The following TTLL11 variants were observed in gnomAD, a reference collection of about 807,000 sequenced individuals.
TTLL11 encodes the protein tubulin polyglutamylase TTLL11.
A neutral mutation model predicts 51.7 loss-of-function variants in TTLL11; 42 were observed. The observed-to-expected ratio is 0.81, with a 90% confidence interval of 0.64 to 1.05. The LOEUF (loss-of-function observed/expected upper bound fraction) is 1.05. Among genes scored for constraint, TTLL11 ranks in the 50% least tolerant of loss-of-function variants. The probability of loss-of-function intolerance (pLI) is 0.00; values close to 1 mark genes in which losing one functional copy is unlikely to be tolerated. For missense variants in TTLL11, 799 were observed against 940.4 expected (o/e 0.85, Z 1.97); for synonymous variants, 381 against 383.5 (o/e 0.99, Z 0.08).
chr9:122,008,059 T>C (rs1337992506), intron 3 of TTLL11, among the ~76,000 whole-genome samples: 9 of 152,170 alleles, frequency 5.9e-5, no homozygotes, highest in Non-Finnish European at 1.3e-4. Context: ...GATCTAATAC[T>C]GAGGAAACCC....
chr9:121,877,149 G>A (rs1430639731), intron 6 of TTLL11, among the ~76,000 whole-genome samples: 2 of 152,224 alleles, frequency 1.3e-5, no homozygotes, highest in East Asian at 1.9e-4. Flanking sequence ...CCTGCTGTTC[G>A]GCCAAGGCGA....
At chr9:121,931,994 C>T (rs914213597) in intron 6 of TTLL11, among the ~76,000 whole-genome samples, 4 of 152,200 alleles carry the variant, frequency 2.6e-5, no homozygotes, top group Admixed American at 1.3e-4. Flanking sequence ...AAGTCCTCCC[C>T]AGGTTCTTCA....
chr9:121,866,540 G>C (rs1037265659), intron 7 of TTLL11, among the ~76,000 whole-genome samples: 2 of 151,556 alleles, frequency 1.3e-5, no homozygotes, highest in African/African-American at 4.9e-5. Context: ...GGCGCCTGTA[G>C]TCCCAGCTAC....
chr9:121,916,247 C>G (rs1247181196), intron 6 of TTLL11, among the ~76,000 whole-genome samples: 1 of 152,154 alleles, frequency 6.6e-6, no homozygotes, highest in Non-Finnish European at 1.5e-5. Flanking sequence ...CATAGCATGT[C>G]ATATGCATGA....
At chr9:122,089,508 T>C (rs1242756072) in intron 1 of TTLL11, among the ~76,000 whole-genome samples, 2 of 152,228 alleles carry the variant, frequency 1.3e-5, no homozygotes, top group East Asian at 1.9e-4. Context: ...AAGAATACTA[T>C]AATCATAGTT....
At chr9:121,926,860 G>A (rs1439495111) in intron 6 of TTLL11, among the ~76,000 whole-genome samples, 2 of 152,204 alleles carry the variant, frequency 1.3e-5, no homozygotes, top group African/African-American at 2.4e-5. Context: ...TGTATTTCCC[G>A]TGGTTTGGAG....
intron 8 of TTLL11, among the ~76,000 whole-genome samples, chr9:121,828,093 T>C (rs1258809161): frequency 1.3e-5 from 2 of 152,150 alleles, no homozygotes; most frequent in African/African-American, 2.4e-5. Flanking sequence ...AGCACTTACA[T>C]GTTCTTGCGG....
At position 121,948,415 on chromosome 9, in the gene TTLL11, T is replaced by C. The variant is rs181289324; in HGVS notation, c.1481+25594A>G. Among the ~76,000 whole-genome samples, 110 of 152,368 alleles carry C rather than the reference T, an allele frequency of 7.2e-4. 2 individuals are homozygous for C. The Middle Eastern group carries it at 0.014, about 19-fold the overall frequency. On this transcript the variant is annotated intron_variant, in intron 6 of 8. Coordinates refer to ENST00000321582, the MANE Select transcript of TTLL11 (RefSeq NM_001139442.2). Reference sequence around the variant, plus strand: ...AAAAAATGTTTCTTACATATGTTTCTGTAATTAGCAAATTATAGAAACGAT... The same window carrying C: ...AAAAAATGTTTCTTACATATGTTTCCGTAATTAGCAAATTATAGAAACGAT...
intron 6 of TTLL11, among the ~76,000 whole-genome samples, chr9:121,918,690 A>G (rs1250837055): frequency 6.6e-6 from 1 of 152,256 alleles, no homozygotes; most frequent in African/African-American, 2.4e-5. Context: ...AGAACATGAA[A>G]TAATAACCAA....
In TTLL11 at chr9:121,989,798, A is replaced by T; in HGVS notation, c.694-28T>A. On this transcript the variant is annotated intron_variant, in intron 3 of 8. Transcript: ENST00000321582. This position sits in a 1 kb window ranked among gnomAD's most constrained non-coding sequence, Gnocchi z 4.2. Reference sequence around the variant, plus strand: ...GGAGGGGGAAAAAAGGATGGCCGACATTATATTGTTTTCCCTCTGGATCCC... The same window carrying T: ...GGAGGGGGAAAAAAGGATGGCCGACTTTATATTGTTTTCCCTCTGGATCCC... 1 of 1,562,458 alleles carries T rather than the reference A, an allele frequency of 6.4e-7. No individual in the cohort carries two copies. The highest frequency in any genetic ancestry group is 1.8e-5 in the Admixed American group (1 of 54,066).
intron 6 of TTLL11, among the ~76,000 whole-genome samples, chr9:121,908,617 C>T (rs955394430): frequency 3.3e-5 from 5 of 152,214 alleles, no homozygotes; most frequent in Non-Finnish European, 7.3e-5. Context: ...GTTTTCTCTA[C>T]TCATCTCTTC....
intron 4 of TTLL11, among the ~76,000 whole-genome samples, chr9:121,982,917 G>A (rs1004010481): frequency 6.6e-6 from 1 of 152,140 alleles, no homozygotes; most frequent in Non-Finnish European, 1.5e-5. Flanking sequence ...AGCCAGGATT[G>A]TAAGTGCAAT....
chr9:121,971,103 T>A (rs1842541465), intron 6 of TTLL11, among the ~76,000 whole-genome samples: 2 of 121,052 alleles, frequency 1.7e-5, no homozygotes, highest in Non-Finnish European at 3.4e-5. Context: ...AGCCGCCCCG[T>A]CCGGGAGGGA....
chr9:121,914,125 A>G (rs1840238573), intron 6 of TTLL11, among the ~76,000 whole-genome samples: 1 of 152,218 alleles, frequency 6.6e-6, no homozygotes, highest in East Asian at 1.9e-4. Flanking sequence ...TCTATCCCCC[A>G]TAGTATATGA....
At chr9:121,967,007 T>A (rs1842417004) in intron 6 of TTLL11, among the ~76,000 whole-genome samples, 1 of 152,114 alleles carries the variant, frequency 6.6e-6, no homozygotes, top group Admixed American at 6.5e-5. Flanking sequence ...CACGTGTCAT[T>A]TCATATCATG....
Position 121,985,508 on chromosome 9 carries a change from C to CTTTTTTTTTTT in TTLL11, c.1269+3686_1269+3687insAAAAAAAAAAA, listed in dbSNP as rs766262272. Among the ~76,000 whole-genome samples the CTTTTTTTTTTT allele has an allele frequency of 3.0e-4, 39 of 131,338 alleles. 1 individual carries two copies. Among genetic ancestry groups the CTTTTTTTTTTT allele is most frequent in the African/African-American group, 8.7e-4 (29 of 33,182 alleles). 86.2% of individuals were successfully genotyped at this position (131,338 alleles called of 152,430 possible). ...TCCAAGGAGAAAAGGATACCATTTT[C>CTTTTTTTTTTT]TTTTCTTTTTTTTTTTTTTTTTTTT... On this transcript the variant is annotated intron_variant, in intron 4 of 8. Transcript: ENST00000321582.
chr9:121,927,632 T>C (rs1052965343), intron 6 of TTLL11, among the ~76,000 whole-genome samples: 4 of 4,810 alleles, frequency 8.3e-4, no homozygotes, highest in Admixed American at 2.9e-3. Flanking sequence ...GGTGGCATTT[T>C]TTTTTTTTTT....
At chr9:121,878,477 G>A (rs987234900) in intron 6 of TTLL11, among the ~76,000 whole-genome samples, 12 of 152,212 alleles carry the variant, frequency 7.9e-5, no homozygotes, top group Non-Finnish European at 1.8e-4. Context: ...GACAACAGCA[G>A]ACTAGGTCTC....
chr9:121,965,803 G>T (rs1842382210), intron 6 of TTLL11, among the ~76,000 whole-genome samples: 1 of 152,152 alleles, frequency 6.6e-6, no homozygotes, highest in Admixed American at 6.5e-5. Context: ...TAAGGGGCAG[G>T]GTTCTGGGTC....
Sources: gnomAD v4.1 joint callset for allele counts (sites outside exome capture counted in the v4.1 genomes callset) on GRCh38, gnomAD v4.1.1 for gene constraint, Gnocchi (gnomAD v3.1) non-coding constraint, MANE v1.5 for transcripts, NCBI Gene and HGNC (gene_info 2026-07-23, HGNC 2026-07-21) for gene names.